PDXDC1: variants seen among roughly 807,000 people sequenced by gnomAD.
The protein encoded by PDXDC1 is pyridoxal-dependent decarboxylase domain-containing protein 1.
A neutral mutation model predicts 100.1 loss-of-function variants in PDXDC1; 42 were observed. That is an observed-to-expected ratio of 0.42 (90% CI 0.33 to 0.54). PDXDC1 has a LOEUF of 0.54. PDXDC1 is among the 20% of genes least tolerant of loss of function. The pLI is 0.10. For missense variants in PDXDC1, 636 were observed against 979.2 expected (o/e 0.65, Z 4.68); for synonymous variants, 260 against 371.7 (o/e 0.70, Z 3.46).
At chr16:15,129,148 T>G (rs1046632336) in intron 16 of PDXDC1, among the ~76,000 whole-genome samples, 1 of 151,060 alleles carries the variant, frequency 6.6e-6, no homozygotes, top group Admixed American at 6.6e-5. Flanking sequence ...AACTGGGAAA[T>G]GAAGATAAAA....
intron 1 of PDXDC1, among the ~76,000 whole-genome samples, chr16:14,990,706 CT>C (rs1277933767): frequency 2.0e-5 from 3 of 152,414 alleles, no homozygotes; most frequent in South Asian, 2.1e-4. Flanking sequence ...CCACTCCCCC[CT>C]GGGCTTACTC....
At chr16:15,135,299 T>A in intron 16 of PDXDC1, 1 of 1,517,424 alleles carries the variant, frequency 6.6e-7, no homozygotes, top group African/African-American at 1.4e-5. Flanking sequence ...GGTGGCCTCC[T>A]CCTTGCGGCC....
intron 16 of PDXDC1, among the ~76,000 whole-genome samples, chr16:15,031,409 C>G (rs911793773): frequency 3.3e-5 from 5 of 152,126 alleles, no homozygotes; most frequent in African/African-American, 4.8e-5. Context: ...CTGTGGTTGC[C>G]TTTTTGTGCT....
chr16:14,979,144 A>G (rs1434365478), intron 1 of PDXDC1, among the ~76,000 whole-genome samples: 1 of 152,292 alleles, frequency 6.6e-6, no homozygotes, highest in African/African-American at 2.4e-5. Flanking sequence ...AATTAAACAC[A>G]ATTTAAAATT....
intron 16 of PDXDC1, among the ~76,000 whole-genome samples, chr16:15,092,797 T>C (rs189971656): frequency 6.6e-5 from 10 of 152,314 alleles, no homozygotes; most frequent in Admixed American, 2.0e-4. Context: ...GTCTTCCCAC[T>C]GCACTTACAG....
intron 16 of PDXDC1, chr16:15,084,516 G>A: frequency 1.6e-6 from 1 of 644,150 alleles, no homozygotes; most frequent in Non-Finnish European, 2.7e-6. Context: ...GTTTCCTCAA[G>A]TGGATACAAA....
intron 16 of PDXDC1, chr16:15,110,445 T>C: frequency 6.3e-7 from 1 of 1,585,778 alleles, no homozygotes; most frequent in East Asian, 2.2e-5. Flanking sequence ...TTTCCATTGA[T>C]TTTGTCATGA....
intron 5 of PDXDC1, among the ~76,000 whole-genome samples, chr16:15,004,854 A>T (rs1188261563): frequency 3.0e-4 from 46 of 152,274 alleles, no homozygotes; most frequent in Non-Finnish European, 5.7e-4. Context: ...ACCTAATACG[A>T]TGTAAATGCT....
chr16:15,034,398 G>C lies in PDXDC1; in HGVS notation c.1905+20G>C, dbSNP rs1277882939. On this transcript the variant is annotated intron_variant, in intron 20 of 22. Transcript: ENST00000396410. ...GAAGAGGTGAGGCCCCCGATGGGCA[G>C]CAGGCTGGGGGAGCCGCCGTGAGGC... 6.2e-7 allele frequency: 1 copy of C among 1,613,408 alleles called. No individual in the cohort carries two copies. The highest frequency in any genetic ancestry group is 8.5e-7 in the Non-Finnish European group (1 of 1,179,756).
At chr16:15,046,542 G>T (rs1280700629) in intron 16 of PDXDC1, among the ~76,000 whole-genome samples, 4 of 152,052 alleles carry the variant, frequency 2.6e-5, no homozygotes, top group Non-Finnish European at 4.4e-5. Context: ...GAGGTGCTGT[G>T]GGGGCACCCA....
At chr16:15,144,213 G>A (rs1229452014), downstream of PDXDC1, among the ~76,000 whole-genome samples, 4 of 152,212 alleles carry the variant, frequency 2.6e-5, no homozygotes, top group African/African-American at 4.8e-5. Flanking sequence ...ACAGGGGACA[G>A]GCAGCAGTGC....
At chr16:15,035,386 A>G (rs1461622072) in intron 21 of PDXDC1, 63 bp from the exon 22 acceptor site, 1 of 819,396 alleles carries the variant, frequency 1.2e-6, no homozygotes, top group Admixed American at 2.7e-5. Context: ...GTGTGAGGGC[A>G]GGTGGTGTCT....
chr16:15,007,766 C>T (rs1170562847), intron 6 of PDXDC1, among the ~76,000 whole-genome samples: 1 of 152,268 alleles, frequency 6.6e-6, no homozygotes, highest in Non-Finnish European at 1.5e-5. Context: ...AAATGAATTA[C>T]TTAGTGTCTA....
At chr16:15,085,577 C>A in intron 16 of PDXDC1, 2 of 1,588,558 alleles carry the variant, frequency 1.3e-6, no homozygotes, top group South Asian at 1.1e-5. Flanking sequence ...CTTGGCTTCC[C>A]AAAGTGCTGG....
At position 15,002,882 on chromosome 16, in the gene PDXDC1, CA is replaced by C. The variant is rs376649522; in HGVS notation, c.242+1027del. Among the ~76,000 whole-genome samples the C allele has an allele frequency of 1.4e-3, 215 of 152,222 alleles. No individual in the cohort carries two copies. The South Asian group carries it at 0.027, about 19-fold the overall frequency. ...ATCTGATAAGTGAGAAATGGTGTTT[CA>C]GCATAATTCGAATTTGCAGGTTTTT... On this transcript the variant is annotated intron_variant, in intron 4 of 22. Coordinates refer to ENST00000396410, the MANE Select transcript of PDXDC1 (RefSeq NM_015027.4).
chr16:15,007,322 C>A (rs2040866780), intron 6 of PDXDC1, among the ~76,000 whole-genome samples: 1 of 152,236 alleles, frequency 6.6e-6, no homozygotes, highest in African/African-American at 2.4e-5. Flanking sequence ...AGGTGCCCGC[C>A]ACCACGCCCA....
At chr16:15,076,659 A>G (rs1223340271) in intron 16 of PDXDC1, 4 of 1,556,670 alleles carry the variant, frequency 2.6e-6, no homozygotes, top group Non-Finnish European at 3.5e-6. Flanking sequence ...ACCTATAACA[A>G]AGGGAGAAAA....
intron 16 of PDXDC1, among the ~76,000 whole-genome samples, chr16:15,075,408 CA>C (rs2045412404): frequency 6.6e-6 from 1 of 151,522 alleles, no homozygotes; most frequent in Non-Finnish European, 1.5e-5. Flanking sequence ...CCTGTCTCTA[CA>C]AAAATAGAAA....
chr16:15,110,136 G>T (rs2046981538), intron 16 of PDXDC1, among the ~76,000 whole-genome samples: 1 of 146,304 alleles, frequency 6.8e-6, no homozygotes, highest in Non-Finnish European at 1.5e-5. Context: ...CACGAGCAAA[G>T]CCCCATCTCA....
Sources: gnomAD v4.1 joint callset for allele counts (sites outside exome capture counted in the v4.1 genomes callset) on GRCh38, gnomAD v4.1.1 for gene constraint, MANE v1.5 for transcripts, NCBI Gene and HGNC (gene_info 2026-07-23, HGNC 2026-07-21) for gene names.